PARD3: variants seen among roughly 807,000 people sequenced by gnomAD.
PARD3 encodes par-3 family cell polarity regulator, also known as partitioning defective 3 homolog.
In PARD3, 75 loss-of-function variants were observed where a neutral mutation model predicts 155.4. That is an observed-to-expected ratio of 0.48 (90% CI 0.40 to 0.58). The LOEUF is 0.58. Ranked by LOEUF, PARD3 falls within the 20% of genes least tolerant of loss-of-function variation. The probability of loss-of-function intolerance (pLI) is 0.00; values close to 1 mark genes in which losing one functional copy is unlikely to be tolerated. For missense variants in PARD3, 1,642 were observed against 1,721.7 expected (o/e 0.95, Z 0.82); for synonymous variants, 576 against 610.5 (o/e 0.94, Z 0.83).
At position 34,311,751 on chromosome 10, in the gene PARD3, G is replaced by A. The variant is rs539154444; in HGVS notation, c.3065+5356C>T. On this transcript the variant is annotated intron_variant, in intron 20 of 24. Transcript: ENST00000374788. ...TATTTTCCTACACCACCACCCCCCTGCCAACCACCCATTTTTGGTCTAAAC... is the reference window on the plus strand; with the variant it reads ...TATTTTCCTACACCACCACCCCCCTACCAACCACCCATTTTTGGTCTAAAC... Among the ~76,000 whole-genome samples, 4 of 147,722 alleles carry A rather than the reference G, an allele frequency of 2.7e-5. No homozygotes were observed. In the South Asian group the frequency reaches 6.3e-4, roughly 23 times the overall value.
chr10:34,624,201 T>C (rs957434232), intron 2 of PARD3, among the ~76,000 whole-genome samples: 1 of 152,184 alleles, frequency 6.6e-6, no homozygotes, highest in Non-Finnish European at 1.5e-5. Context: ...CTAATATCTG[T>C]GACCTTGTTC....
chr10:34,311,343 C>T (rs1288324126), intron 20 of PARD3, among the ~76,000 whole-genome samples: 1 of 152,082 alleles, frequency 6.6e-6, no homozygotes, highest in African/African-American at 2.4e-5. Flanking sequence ...CCTGGAATTA[C>T]AGGTGTGAGC....
chr10:34,499,309 A>T (rs2080511240), intron 3 of PARD3, among the ~76,000 whole-genome samples: 1 of 152,200 alleles, frequency 6.6e-6, no homozygotes, highest in Non-Finnish European at 1.5e-5. Context: ...AAAACCAAAT[A>T]GTTATTGTTT....
chr10:34,112,305 G>A (rs1946426336), intron 24 of PARD3, among the ~76,000 whole-genome samples: 2 of 152,190 alleles, frequency 1.3e-5, no homozygotes, highest in African/African-American at 4.8e-5. Flanking sequence ...CCCCAGGATA[G>A]GCAAGTAAAT....
intron 1 of PARD3, among the ~76,000 whole-genome samples, chr10:34,753,372 A>G (rs1836307395): frequency 6.6e-6 from 1 of 152,240 alleles, no homozygotes; most frequent in Non-Finnish European, 1.5e-5. Context: ...GCCACATCTG[A>G]CTGCTGGAAG....
intron 2 of PARD3, among the ~76,000 whole-genome samples, chr10:34,671,844 C>CT (rs2093615391): frequency 7.2e-6 from 1 of 139,550 alleles, no homozygotes. Context: ...CAAAAACATG[C>CT]TTTACAGTTT....
intron 2 of PARD3, among the ~76,000 whole-genome samples, chr10:34,624,395 G>A (rs955715896): frequency 2.6e-5 from 4 of 152,198 alleles, no homozygotes; most frequent in Non-Finnish European, 5.9e-5. Flanking sequence ...GATCTGTTGT[G>A]ACTAAGGGCA....
chr10:34,306,038 A>C (rs921878032), intron 20 of PARD3, among the ~76,000 whole-genome samples: 3 of 152,080 alleles, frequency 2.0e-5, no homozygotes, highest in Non-Finnish European at 4.4e-5. Context: ...TCACGCCTGT[A>C]ATCCCAGCAC....
intron 14 of PARD3, among the ~76,000 whole-genome samples, chr10:34,349,388 T>C (rs1837760984): frequency 6.6e-6 from 1 of 152,064 alleles, no homozygotes; most frequent in Non-Finnish European, 1.5e-5. Context: ...CTTGCAGCTC[T>C]AGTGAATTAG....
At chr10:34,118,283 C>T (rs1946793439) in intron 24 of PARD3, among the ~76,000 whole-genome samples, 1 of 152,180 alleles carries the variant, frequency 6.6e-6, no homozygotes, top group Admixed American at 6.5e-5. Context: ...TCCATGTCCC[C>T]TTGGCTGACC....
At chr10:34,592,016 C>T (rs2134373474) in intron 2 of PARD3, among the ~76,000 whole-genome samples, 1 of 152,256 alleles carries the variant, frequency 6.6e-6, no homozygotes, top group Non-Finnish European at 1.5e-5. Context: ...CCAGTAAACG[C>T]CACCATTCCA....
In PARD3 at chr10:34,758,274, T is replaced by C. The variant is rs139564255; in HGVS notation, c.120+56602A>G. On this transcript the variant is annotated intron_variant, in intron 1 of 24. Coordinates refer to ENST00000374788, the MANE Select transcript of PARD3 (RefSeq NM_001184785.2). ...TCCAACAATTTCCACATGCCACTGC[T>C]ATATGTTATTTTACACATTCTTTTT... is the stretch of plus-strand genomic sequence containing the variant. 2.0e-5 allele frequency among the ~76,000 whole-genome samples: 3 copies of C among 152,354 alleles called. No homozygotes were observed. The East Asian group carries it at 5.8e-4, about 29-fold the overall frequency.
intron 2 of PARD3, among the ~76,000 whole-genome samples, chr10:34,615,739 AACAG>A (rs1324351287): frequency 9.8e-5 from 15 of 152,384 alleles, no homozygotes; most frequent in Admixed American, 2.0e-4. Context: ...TAAGAAACGC[AACAG>A]ACAAAAACCA....
chr10:34,516,192 T>C (rs991657881), intron 3 of PARD3, among the ~76,000 whole-genome samples: 1 of 152,116 alleles, frequency 6.6e-6, no homozygotes, highest in Non-Finnish European at 1.5e-5. Flanking sequence ...CTCAAACTCC[T>C]GACCTCAGGT....
intron 22 of PARD3, among the ~76,000 whole-genome samples, chr10:34,229,895 C>G (rs968928918): frequency 1.3e-5 from 2 of 152,008 alleles, no homozygotes; most frequent in African/African-American, 4.8e-5. Flanking sequence ...CATTTTAGTA[C>G]CTTTTCTTAC....
chr10:34,580,279 A>C (rs1382679125), intron 2 of PARD3, among the ~76,000 whole-genome samples: 1 of 152,110 alleles, frequency 6.6e-6, no homozygotes, highest in African/African-American at 2.4e-5. Context: ...CATGCCTGCA[A>C]TCCCAGCATT....
chr10:34,697,035 A>ACAC (rs1564520118), intron 1 of PARD3, among the ~76,000 whole-genome samples: 1 of 136,856 alleles, frequency 7.3e-6, no homozygotes, highest in African/African-American at 2.9e-5. Context: ...AAAATGCGTA[A>ACAC]ACACACACAC....
intron 1 of PARD3, among the ~76,000 whole-genome samples, chr10:34,703,993 T>C (rs893953039): frequency 5.3e-5 from 8 of 152,164 alleles, no homozygotes; most frequent in Non-Finnish European, 8.8e-5. Context: ...CAATAAACCA[T>C]GAATGAGAAT....
chr10:34,125,492 G>A (rs1186575402), intron 23 of PARD3, among the ~76,000 whole-genome samples: 1 of 152,204 alleles, frequency 6.6e-6, no homozygotes, highest in African/African-American at 2.4e-5. Flanking sequence ...GAAAATGAGA[G>A]CAGATACTTT....
Sources: allele counts gnomAD v4.1 joint callset (sites outside exome capture counted in the v4.1 genomes callset), GRCh38; gene constraint gnomAD v4.1.1; transcripts MANE v1.5; gene names NCBI Gene and HGNC (gene_info 2026-07-23, HGNC 2026-07-21).